The following ADAMTS17 variants were observed in gnomAD, a reference collection of about 807,000 sequenced individuals.
The protein encoded by ADAMTS17 is ADAM metallopeptidase with thrombospondin type 1 motif 17.
Under a neutral mutation model 141.5 loss-of-function variants are expected in ADAMTS17, and 113 were observed. The ratio of observed to expected loss-of-function variants is 0.80; its 90% CI spans 0.69 to 0.93. The LOEUF (loss-of-function observed/expected upper bound fraction) is 0.93. ADAMTS17 is among the 40% of genes least tolerant of loss of function. The pLI, the probability that ADAMTS17 is intolerant of heterozygous loss-of-function variation, is 0.00. For synonymous variants in ADAMTS17, 768 were observed against 630.6 expected (o/e 1.22, Z -3.27); for missense variants, 1,659 against 1,517.9 (o/e 1.09, Z -1.54).
At position 100,220,289 on chromosome 15, in the gene ADAMTS17, T is replaced by C. The variant is rs1391432297; in HGVS notation, c.1076-20866A>G. Among the ~76,000 whole-genome samples the C allele has an allele frequency of 2.6e-5, 4 of 152,182 alleles. No individual in the cohort carries two copies. In the East Asian group the frequency reaches 5.8e-4, roughly 22 times the overall value. On this transcript the variant is annotated intron_variant, in intron 7 of 21. Coordinates refer to ENST00000268070, the MANE Select transcript of ADAMTS17 (RefSeq NM_139057.4). Reference sequence around the variant, plus strand: ...AGATGTCACCAGCGCCTCCTGTGTCTTTTTTGTTGAACTGAAATAAATCCA... The same window carrying C: ...AGATGTCACCAGCGCCTCCTGTGTCCTTTTTGTTGAACTGAAATAAATCCA...
chr15:100,030,869 C>T (rs143865364), intron 18 of ADAMTS17, among the ~76,000 whole-genome samples: 5 of 152,242 alleles, frequency 3.3e-5, no homozygotes, highest in Non-Finnish European at 4.4e-5. Flanking sequence ...TGTGTGTGCA[C>T]GCTCACATGT....
chr15:100,046,790 C>G (rs543165732), intron 18 of ADAMTS17, among the ~76,000 whole-genome samples: 2 of 152,112 alleles, frequency 1.3e-5, no homozygotes, highest in African/African-American at 4.8e-5. Flanking sequence ...GGCTGTATAT[C>G]GCCTCAGGAC....
chr15:100,327,951 T>C (rs560353193), intron 3 of ADAMTS17, among the ~76,000 whole-genome samples: 1 of 152,282 alleles, frequency 6.6e-6, no homozygotes, highest in African/African-American at 2.4e-5. Context: ...AAAACCCTAC[T>C]CAGCACAGCG....
At chr15:100,286,804 A>G (rs2044462338) in intron 3 of ADAMTS17, among the ~76,000 whole-genome samples, 1 of 152,210 alleles carries the variant, frequency 6.6e-6, no homozygotes, top group African/African-American at 2.4e-5. Context: ...ACCAGGCTGA[A>G]ATGACAGACA....
intron 19 of ADAMTS17, among the ~76,000 whole-genome samples, chr15:99,994,380 G>A (rs1317719283): frequency 1.3e-5 from 2 of 151,866 alleles, no homozygotes; most frequent in Non-Finnish European, 2.9e-5. Context: ...CACTTTGGGA[G>A]GCTGAGGTGG....
rs2060740621 is a variant in ADAMTS17 at position 99,993,823 on chromosome 15, C to T, written c.2797-623G>A. Among the ~76,000 whole-genome samples, 1 of 152,132 alleles carries T rather than the reference C, an allele frequency of 6.6e-6. No individual in the cohort carries two copies. Among genetic ancestry groups the T allele is most frequent in the African/African-American group, 2.4e-5 (1 of 41,426 alleles). ...CAAGAATGGTGACAGACGCATGGCC[C>T]CTGTGGTAGTTTACTTACTTGCAGG... On this transcript the variant is annotated intron_variant, in intron 19 of 21. Transcript: ENST00000268070. The surrounding 1 kb of genome is among the most constrained non-coding windows in gnomAD (Gnocchi z 4.3).
intron 3 of ADAMTS17, among the ~76,000 whole-genome samples, chr15:100,291,005 G>C (rs1474510890): frequency 6.6e-6 from 1 of 152,078 alleles, no homozygotes; most frequent in African/African-American, 2.4e-5. Context: ...TGACAAATGG[G>C]GCCTAATTAA....
chr15:100,314,589 AC>A (rs1475947197), intron 3 of ADAMTS17, among the ~76,000 whole-genome samples: 1 of 152,260 alleles, frequency 6.6e-6, no homozygotes, highest in Non-Finnish European at 1.5e-5. Context: ...ACTACAGTAT[AC>A]CAAAATAAGA....
At chr15:100,302,516 T>C (rs1272435570) in intron 3 of ADAMTS17, among the ~76,000 whole-genome samples, 3 of 152,206 alleles carry the variant, frequency 2.0e-5, no homozygotes, top group Non-Finnish European at 4.4e-5. Flanking sequence ...CCATTTTACA[T>C]TCTCAACAGC....
At chr15:100,261,748 T>G (rs2043526283) in intron 5 of ADAMTS17, 112 bp from the exon 6 acceptor site, 43 of 1,242,972 alleles carry the variant, frequency 3.5e-5, no homozygotes, top group Non-Finnish European at 4.8e-5. Flanking sequence ...GAGACATCAT[T>G]TGATGACTCA....
intron 10 of ADAMTS17, among the ~76,000 whole-genome samples, chr15:100,141,641 C>A (rs55752727): frequency 0.24 from 36,564 of 152,146 alleles, 5,124 homozygotes; most frequent in East Asian, 0.34. Flanking sequence ...CTGAGGGCTA[C>A]AGAGACCGTC....
Position 100,281,380 on chromosome 15 carries a change from C to T in ADAMTS17, c.638G>A (p.Gly213Asp). Residue 213 changes from glycine (G) to aspartate (D), a missense_variant, in exon 4 of 22, where the codon GGC becomes GAC. Transcript: ENST00000268070. ...VLTEKKKPTW[G>D]RPSRDWRERR... Reference sequence around the variant, plus strand: ...CTCCCGCCAGTCCCGCGAAGGCCTGCCCCACGTCGGCTTCTTCTTTTCTAG... The same window carrying T: ...CTCCCGCCAGTCCCGCGAAGGCCTGTCCCACGTCGGCTTCTTCTTTTCTAG... 1 of 1,612,506 alleles carries T rather than the reference C, an allele frequency of 6.2e-7. No homozygotes were observed. The highest frequency in any genetic ancestry group is 8.5e-7 in the Non-Finnish European group (1 of 1,179,912).
At chr15:100,092,536 A>T (rs1015393058) in intron 15 of ADAMTS17, among the ~76,000 whole-genome samples, 1 of 152,220 alleles carries the variant, frequency 6.6e-6, no homozygotes, top group Non-Finnish European at 1.5e-5. Flanking sequence ...GTTTATGTGC[A>T]CATTTTACGA....
In ADAMTS17 at chr15:100,008,470, G is replaced by A. The variant is rs928709603; in HGVS notation, c.2592-10881C>T. 7.2e-5 allele frequency among the ~76,000 whole-genome samples: 11 copies of A among 152,324 alleles called. No homozygotes were observed. In the East Asian group the frequency reaches 1.4e-3, roughly 19 times the overall value. On this transcript the variant is annotated intron_variant, in intron 18 of 21. Coordinates refer to ENST00000268070, the MANE Select transcript of ADAMTS17 (RefSeq NM_139057.4). The stretch of plus-strand genomic sequence containing the variant: ...ACAGTAGAGCCCGTGACTCATCAGA[G>A]GCAATATCCAAGATGGGGCAGCCAA...
intron 9 of ADAMTS17, among the ~76,000 whole-genome samples, chr15:100,153,474 T>C (rs958418617): frequency 6.6e-6 from 1 of 151,960 alleles, no homozygotes; most frequent in Non-Finnish European, 1.5e-5. Context: ...AACTCCTGTC[T>C]CTACTAAAAA....
intron 3 of ADAMTS17, among the ~76,000 whole-genome samples, chr15:100,289,713 A>G: frequency 6.6e-6 from 1 of 152,224 alleles, no homozygotes; most frequent in East Asian, 1.9e-4. Flanking sequence ...GGTTCAACAT[A>G]TGCAAATCAA....
chr15:100,207,131 G>A (rs1194867880), intron 7 of ADAMTS17, among the ~76,000 whole-genome samples: 1 of 152,162 alleles, frequency 6.6e-6, no homozygotes, highest in Non-Finnish European at 1.5e-5. Context: ...AATGAGGTCA[G>A]CAAGGTGGGG....
chr15:100,306,611 AT>A (rs747575723), intron 3 of ADAMTS17: 2 of 455,372 alleles, frequency 4.4e-6, no homozygotes, highest in Non-Finnish European at 8.8e-6. Flanking sequence ...GCCTTGTCAA[AT>A]CCCTGACCCA....
At chr15:100,251,725 G>A (rs762047232) in intron 7 of ADAMTS17, among the ~76,000 whole-genome samples, 6 of 152,198 alleles carry the variant, frequency 3.9e-5, no homozygotes, top group Admixed American at 2.6e-4. Flanking sequence ...GCGACAGAGC[G>A]AGACTCTACC....
Sources: allele counts gnomAD v4.1 joint callset (sites outside exome capture counted in the v4.1 genomes callset), GRCh38; gene constraint gnomAD v4.1.1; non-coding constraint Gnocchi (gnomAD v3.1); transcripts MANE v1.5; gene names NCBI Gene and HGNC (gene_info 2026-07-23, HGNC 2026-07-21).